DIAPH3: variants seen among roughly 807,000 people sequenced by gnomAD.
DIAPH3 encodes the protein diaphanous related formin 3.
A neutral mutation model predicts 144.3 loss-of-function variants in DIAPH3; 117 were observed. That is an observed-to-expected ratio of 0.81 (90% confidence interval 0.70 to 0.95). The LOEUF is 0.95. Ranked by LOEUF, DIAPH3 falls within the 40% of genes least tolerant of loss-of-function variation. DIAPH3 has a pLI of 0.00. For synonymous variants in DIAPH3, 519 were observed against 488.9 expected (o/e 1.06, Z -0.81); for missense variants, 1,421 against 1,412.7 (o/e 1.01, Z -0.09).
At chr13:60,067,495 C>A (rs2057016546) in intron 4 of DIAPH3, among the ~76,000 whole-genome samples, 1 of 152,024 alleles carries the variant, frequency 6.6e-6, no homozygotes, top group Admixed American at 6.6e-5. Context: ...ATAGCCGACC[C>A]CTTGCTAGGA....
chr13:59,705,894 G>T (rs77394261), intron 27 of DIAPH3, among the ~76,000 whole-genome samples: 6,627 of 151,980 alleles, frequency 0.044, 224 homozygotes, highest in South Asian at 0.1. Flanking sequence ...TTTTAATAAT[G>T]AAGAGTTCTA....
chr13:60,158,900 C>A (rs1952153845), intron 1 of DIAPH3, among the ~76,000 whole-genome samples: 1 of 138,694 alleles, frequency 7.2e-6, no homozygotes, highest in African/African-American at 2.7e-5. Flanking sequence ...CCTGCCTGGC[C>A]CCTCTTAAAA....
At chr13:59,943,287 G>A (rs538702130) in intron 17 of DIAPH3, among the ~76,000 whole-genome samples, 1 of 152,312 alleles carries the variant, frequency 6.6e-6, no homozygotes, top group African/African-American at 2.4e-5. Flanking sequence ...AAGGCCTGGA[G>A]AATTGATTTC....
intron 17 of DIAPH3, among the ~76,000 whole-genome samples, chr13:59,960,508 C>A (rs972104425): frequency 1.3e-5 from 2 of 152,080 alleles, no homozygotes; most frequent in Non-Finnish European, 2.9e-5. Context: ...TCCTGCAAAC[C>A]CTTGGGAGAA....
At chr13:59,917,866 GGC>G (rs1566513675) in intron 18 of DIAPH3, among the ~76,000 whole-genome samples, 1 of 136,614 alleles carries the variant, frequency 7.3e-6, no homozygotes. Flanking sequence ...CTCCAGCCTG[GGC>G]GACAGAGTAA....
chr13:60,029,460 A>G (rs544749535), intron 5 of DIAPH3, among the ~76,000 whole-genome samples: 1 of 152,208 alleles, frequency 6.6e-6, no homozygotes, highest in East Asian at 1.9e-4. Context: ...TAATCCCCAC[A>G]TGTCAAGGGC....
intron 21 of DIAPH3, among the ~76,000 whole-genome samples, chr13:59,865,481 TC>T (rs777289812): frequency 1.4e-4 from 21 of 152,072 alleles, no homozygotes; most frequent in Non-Finnish European, 2.9e-4. Flanking sequence ...ACTTTAACAG[TC>T]AGTGCTTGAC....
At chr13:59,878,277 G>C (rs1052538507) in intron 21 of DIAPH3, among the ~76,000 whole-genome samples, 5 of 152,094 alleles carry the variant, frequency 3.3e-5, no homozygotes, top group Non-Finnish European at 7.4e-5. Flanking sequence ...GAAAATAAAA[G>C]AATGGAGATG....
In DIAPH3 at chr13:59,889,729, G is replaced by A. The variant is rs1593848506; in HGVS notation, c.2368-10261C>T. ...ACTCTCAGTTCTGTAATATCCCATT[G>A]AAAACTATTTGTTCTTATTTGAGCA... On this transcript the variant is annotated intron_variant, in intron 20 of 27. Transcript: ENST00000400324. Among the ~76,000 whole-genome samples, 4 of 151,848 alleles carry A rather than the reference G, an allele frequency of 2.6e-5. No individual in the cohort carries two copies. The East Asian group carries it at 7.7e-4, about 29-fold the overall frequency.
At chr13:59,951,982 A>C (rs964293645) in intron 17 of DIAPH3, among the ~76,000 whole-genome samples, 6 of 152,314 alleles carry the variant, frequency 3.9e-5, no homozygotes, top group Admixed American at 1.3e-4. Context: ...AACACTATCC[A>C]CAATAGCCAA....
At chr13:60,111,576 G>A (rs1362819102) in intron 3 of DIAPH3, among the ~76,000 whole-genome samples, 2 of 152,146 alleles carry the variant, frequency 1.3e-5, no homozygotes, top group Non-Finnish European at 1.5e-5. Flanking sequence ...CAAACTCCAT[G>A]GTGAACTGTG....
intron 27 of DIAPH3, among the ~76,000 whole-genome samples, chr13:59,751,236 C>T (rs556005552): frequency 1.3e-5 from 2 of 152,328 alleles, no homozygotes; most frequent in East Asian, 1.9e-4. Context: ...GAGTGTACTG[C>T]GTTATACCAA....
At chr13:60,090,493 ATAATAT>A (rs2057894544) in intron 4 of DIAPH3, among the ~76,000 whole-genome samples, 1 of 152,182 alleles carries the variant, frequency 6.6e-6, no homozygotes, top group Non-Finnish European at 1.5e-5. Flanking sequence ...TTTCAAAAAA[ATAATAT>A]TAATGCTTAC....
At chr13:59,999,895 C>T (rs1262498413) in intron 9 of DIAPH3, among the ~76,000 whole-genome samples, 1 of 152,160 alleles carries the variant, frequency 6.6e-6, no homozygotes, top group African/African-American at 2.4e-5. Flanking sequence ...GACTAACAGC[C>T]TCATTTCACA....
intron 5 of DIAPH3, among the ~76,000 whole-genome samples, chr13:60,029,161 T>TAA (rs58066157): frequency 1.6e-4 from 24 of 150,374 alleles, no homozygotes; most frequent in East Asian, 9.9e-4. Flanking sequence ...TTTGCTCAAG[T>TAA]AAAAAAAAAA....
chr13:60,075,190 G>A (rs1227890623), intron 4 of DIAPH3, among the ~76,000 whole-genome samples: 7 of 152,058 alleles, frequency 4.6e-5, no homozygotes, highest in Non-Finnish European at 1.0e-4. Context: ...TATTGAAATT[G>A]AACGTCTTTT....
chr13:59,765,409 A>C (rs1305890345), intron 27 of DIAPH3, among the ~76,000 whole-genome samples: 1 of 152,174 alleles, frequency 6.6e-6, no homozygotes, highest in Non-Finnish European at 1.5e-5. Flanking sequence ...CTACATCACA[A>C]ATCTGGGCAC....
chr13:60,076,806 A>T (rs1288949503), intron 4 of DIAPH3, among the ~76,000 whole-genome samples: 2 of 152,140 alleles, frequency 1.3e-5, no homozygotes, highest in Non-Finnish European at 2.9e-5. Flanking sequence ...ATCTTAAATA[A>T]GCATTATACA....
At chr13:59,944,392 A>T (rs2048695183) in intron 17 of DIAPH3, among the ~76,000 whole-genome samples, 1 of 152,230 alleles carries the variant, frequency 6.6e-6, no homozygotes, top group Non-Finnish European at 1.5e-5. Context: ...TTTTCCAAAT[A>T]TAAATATATG....
Sources: allele counts gnomAD v4.1 joint callset (sites outside exome capture counted in the v4.1 genomes callset), GRCh38; gene constraint gnomAD v4.1.1; transcripts MANE v1.5; gene names NCBI Gene and HGNC (gene_info 2026-07-23, HGNC 2026-07-21).